Variants in SYNPR observed in about 807,000 individuals in gnomAD.
SYNPR encodes the protein synaptoporin.
Under a neutral mutation model 32.9 loss-of-function variants are expected in SYNPR, and 23 were observed. The observed-to-expected ratio is 0.70, with a 90% CI of 0.50 to 0.99. The LOEUF (loss-of-function observed/expected upper bound fraction) is 0.99. SYNPR is among the 50% of genes least tolerant of loss of function. The pLI is 0.00. For missense variants in SYNPR, 318 were observed against 349.3 expected (o/e 0.91, Z 0.71); for synonymous variants, 146 against 135.9 (o/e 1.07, Z -0.52).
intron 2 of SYNPR, among the ~76,000 whole-genome samples, chr3:63,397,035 C>T (rs550474824): frequency 6.8e-6 from 1 of 146,098 alleles, no homozygotes; most frequent in Non-Finnish European, 1.5e-5. Flanking sequence ...ACCCGGGAGG[C>T]GGAGCTTGCA....
intron 2 of SYNPR, among the ~76,000 whole-genome samples, chr3:63,391,329 T>C (rs188511508): frequency 1.3e-5 from 2 of 152,356 alleles, no homozygotes. Context: ...CCATTTATTT[T>C]GGCTTCCAAA....
rs1560220912 is a variant in SYNPR at position 63,408,208 on chromosome 3, GGA to G, written c.85-72623_85-72622del. On this transcript the variant is annotated intron_variant, in intron 2 of 5. Transcript: ENST00000478300. ...AAAGAAAGAAAGAGGAAGGAAGGAA[GGA>G]AGGAAGGAAGGAAGGAAGGAAAGAA... is the stretch of plus-strand genomic sequence containing the variant. Among the ~76,000 whole-genome samples, 123 of 68,072 alleles carry G rather than the reference GGA, an allele frequency of 1.8e-3. 4 individuals are homozygous for G. Among genetic ancestry groups the G allele is most frequent in the Non-Finnish European group, 2.3e-3 (85 of 37,030 alleles). 44.7% of individuals were successfully genotyped at this position (68,072 alleles called of 152,430 possible).
intron 2 of SYNPR, among the ~76,000 whole-genome samples, chr3:63,325,923 A>C (rs908860641): frequency 6.6e-6 from 1 of 152,058 alleles, no homozygotes; most frequent in Admixed American, 6.6e-5. Flanking sequence ...GACGTGGGCT[A>C]TAAAAGTGGA....
At chr3:63,346,325 AT>A in intron 2 of SYNPR, among the ~76,000 whole-genome samples, 1 of 152,232 alleles carries the variant, frequency 6.6e-6, no homozygotes, top group Admixed American at 6.5e-5. Context: ...TTTTTGGTAG[AT>A]TTATGTTTAT....
intron 2 of SYNPR, among the ~76,000 whole-genome samples, chr3:63,464,201 T>A (rs1034446907): frequency 6.6e-6 from 1 of 152,184 alleles, no homozygotes; most frequent in African/African-American, 2.4e-5. Flanking sequence ...ACTTTTTCTC[T>A]AATTTTTTTT....
chr3:63,492,619 T>C (rs1332867500), intron 3 of SYNPR, among the ~76,000 whole-genome samples: 2 of 152,158 alleles, frequency 1.3e-5, no homozygotes, highest in African/African-American at 4.8e-5. Flanking sequence ...AAGGCTGTTG[T>C]TTCTGTTGAG....
intron 2 of SYNPR, among the ~76,000 whole-genome samples, chr3:63,322,559 T>G (rs189372780): frequency 6.6e-6 from 1 of 152,210 alleles, no homozygotes; most frequent in Admixed American, 6.5e-5. Flanking sequence ...ATTAAAAGTA[T>G]TTCTGATTAT....
At chr3:63,549,700 G>A (rs756495995) in intron 3 of SYNPR, among the ~76,000 whole-genome samples, 8 of 152,198 alleles carry the variant, frequency 5.3e-5, no homozygotes, top group Non-Finnish European at 1.0e-4. Context: ...TGAAAGGATA[G>A]TTGCATTTAA....
At chr3:63,602,312 G>A (rs542849473) in intron 4 of SYNPR, among the ~76,000 whole-genome samples, 2 of 121,898 alleles carry the variant, frequency 1.6e-5, no homozygotes, top group African/African-American at 6.5e-5. Flanking sequence ...TTACTCTGTT[G>A]ATAGTTTCTT....
intron 2 of SYNPR, among the ~76,000 whole-genome samples, chr3:63,475,444 G>T (rs1050670464): frequency 5.3e-5 from 8 of 152,106 alleles, no homozygotes; most frequent in African/African-American, 1.9e-4. Flanking sequence ...GAATACAGAG[G>T]TTTTATAATT....
intron 1 of SYNPR, among the ~76,000 whole-genome samples, chr3:63,237,182 G>C (rs564963121): frequency 2.3e-4 from 35 of 151,944 alleles, no homozygotes; most frequent in Non-Finnish European, 4.1e-4. Flanking sequence ...TGGCAATGTT[G>C]TATATACAGG....
chr3:63,434,017 C>T (rs7355833), intron 2 of SYNPR, among the ~76,000 whole-genome samples: 1,892 of 152,142 alleles, frequency 0.012, 38 homozygotes, highest in African/African-American at 0.043. Context: ...GGGGAGAGTG[C>T]TTTCAGATGG....
chr3:63,387,235 C>T (rs2088058105), intron 2 of SYNPR, among the ~76,000 whole-genome samples: 1 of 152,094 alleles, frequency 6.6e-6, no homozygotes, highest in Non-Finnish European at 1.5e-5. Context: ...TTCTTATATC[C>T]AAATATATAA....
At chr3:63,294,380 T>C (rs186546101) in intron 2 of SYNPR, among the ~76,000 whole-genome samples, 66 of 152,364 alleles carry the variant, frequency 4.3e-4, no homozygotes, top group Admixed American at 1.2e-3. Flanking sequence ...AAATCTTGAT[T>C]GACTTTGTAC....
Position 63,257,146 on chromosome 3 carries a change from A to G in SYNPR, n.154+4560A>G, listed in dbSNP as rs150662052. On this transcript the variant is annotated intron_variant and non_coding_transcript_variant, in intron 2 of 4. Coordinates refer to the SYNPR transcript ENST00000478456. ...ATGGAACCAAGTTAAAACACTCTGC[A>G]GGATATTATCCAGGAGAACTTCCCC... Among the ~76,000 whole-genome samples the G allele has an allele frequency of 3.0e-3, 456 of 152,354 alleles. 2 individuals are homozygous for G. Among genetic ancestry groups the G allele is most frequent in the South Asian group, 0.01 (50 of 4,832 alleles).
chr3:63,471,018 T>C (rs1700784816), intron 2 of SYNPR, among the ~76,000 whole-genome samples: 3 of 152,348 alleles, frequency 2.0e-5, no homozygotes, highest in Admixed American at 1.3e-4. Context: ...AGAAACTTCT[T>C]TTGCCATGTA....
At chr3:63,264,479 T>A (rs558917795) in intron 2 of SYNPR, among the ~76,000 whole-genome samples, 4 of 152,212 alleles carry the variant, frequency 2.6e-5, no homozygotes, top group Non-Finnish European at 4.4e-5. Context: ...GAAAGTGCTC[T>A]ATATGAAGGG....
intron 2 of SYNPR, among the ~76,000 whole-genome samples, chr3:63,324,721 T>C (rs1359094273): frequency 6.6e-6 from 1 of 152,114 alleles, no homozygotes; most frequent in African/African-American, 2.4e-5. Flanking sequence ...GGAAGCTGCC[T>C]GCAGTGGAAT....
intron 4 of SYNPR, among the ~76,000 whole-genome samples, chr3:63,605,936 A>G (rs1355153593): frequency 6.6e-6 from 1 of 152,204 alleles, no homozygotes; most frequent in African/African-American, 2.4e-5. Flanking sequence ...TATGATTTGT[A>G]TTATTGTTGT....
Sources: gnomAD v4.1 joint callset for allele counts (sites outside exome capture counted in the v4.1 genomes callset) on GRCh38, gnomAD v4.1.1 for gene constraint, MANE v1.5 for transcripts, NCBI Gene and HGNC (gene_info 2026-07-23, HGNC 2026-07-21) for gene names.